The following PSME3 variants were observed in gnomAD, a reference collection of about 807,000 sequenced individuals.
PSME3 encodes the protein proteasome activator complex subunit 3.
PSME3 carries 7 observed loss-of-function variants against 38.3 expected under a neutral mutation model. The ratio of observed to expected loss-of-function variants is 0.18; its 90% CI spans 0.10 to 0.34. The LOEUF is 0.34. PSME3 is among the 10% of genes least tolerant of loss of function. The pLI, the probability that PSME3 is intolerant of heterozygous loss-of-function variation, is 1.00. For missense variants in PSME3, 192 were observed against 307.6 expected (o/e 0.62, Z 2.81); for synonymous variants, 108 against 105.7 (o/e 1.02, Z -0.13).
At position 42,843,200 on chromosome 17, in the gene PSME3, C is replaced by G. The variant is rs186029887; in HGVS notation, c.*1622C>G. 3 of 152,802 alleles carry G rather than the reference C, an allele frequency of 2.0e-5. No individual in the cohort carries two copies. The highest frequency in any genetic ancestry group is 7.2e-5 in the African/African-American group (3 of 41,516). 9.5% of individuals were successfully genotyped at this position (152,802 alleles called of 1,614,324 possible). ...GTAATGTAAAATTCTTTTACCATGTCAAGAAATTATTAAAAATACAGGTAC... is the reference window on the plus strand; with the variant it reads ...GTAATGTAAAATTCTTTTACCATGTGAAGAAATTATTAAAAATACAGGTAC... On this transcript the variant is annotated 3_prime_UTR_variant, in exon 11 of 11. Transcript: ENST00000590720.
intron 4 of PSME3, among the ~76,000 whole-genome samples, chr17:42,835,930 G>C (rs2055456882): frequency 1.3e-5 from 2 of 151,794 alleles, no homozygotes; most frequent in South Asian, 2.1e-4. Context: ...CTATAACACT[G>C]ATGATACCGT....
At chr17:42,837,554 A>T in intron 4 of PSME3, 95 bp from the exon 5 acceptor site, 1 of 1,214,494 alleles carries the variant, frequency 8.2e-7, no homozygotes, top group South Asian at 1.2e-5. Context: ...ATAAGCTATG[A>T]GGCTGAGGAA....
rs996050597 is a variant in PSME3, at chr17:42,833,460, T to C, written c.-172T>C. 2 of 725,778 alleles carry C rather than the reference T, an allele frequency of 2.8e-6. No individual in the cohort carries two copies. The highest frequency in any genetic ancestry group is 4.5e-6 in the Non-Finnish European group (2 of 441,180). The allele number at this position is 725,778 out of a possible 1,614,324, so 45.0% of individuals were successfully genotyped here. On this transcript the variant is annotated 5_prime_UTR_variant, in exon 1 of 11. Coordinates refer to ENST00000590720, the MANE Select transcript of PSME3 (RefSeq NM_005789.4). ...GCGAGAGAGCAAGCAGGCAGCAGGC[T>C]GCCGGCGGGCGGGCGGACGGCACAG...
intron 4 of PSME3, among the ~76,000 whole-genome samples, chr17:42,835,376 C>T (rs1323278851): frequency 2.0e-5 from 3 of 151,808 alleles, no homozygotes; most frequent in South Asian, 2.1e-4. Flanking sequence ...TCATTTACGA[C>T]GTGAAGTGAA....
intron 10 of PSME3, 52 bp from the exon 11 acceptor site, chr17:42,841,446 A>T (rs955155511): frequency 2.5e-6 from 3 of 1,178,438 alleles, no homozygotes; most frequent in Middle Eastern, 2.0e-4. Context: ...CATTTTCTTG[A>T]TGAGGTAAGG....
chr17:42,841,352 A>C (rs2055530810), intron 10 of PSME3, 146 bp from the exon 11 acceptor site: 2 of 408,672 alleles, frequency 4.9e-6, no homozygotes, highest in Non-Finnish European at 4.3e-6. Flanking sequence ...ATTTCCTTCA[A>C]GTCGCAGTTG....
intron 4 of PSME3, among the ~76,000 whole-genome samples, chr17:42,836,248 G>T (rs1302871774): frequency 6.6e-6 from 1 of 151,732 alleles, no homozygotes; most frequent in East Asian, 1.9e-4. Flanking sequence ...CAGGTGATCC[G>T]CCCGCCTCAG....
At chr17:42,834,185 G>GA in intron 1 of PSME3, 159 bp from the exon 2 acceptor site, 1 of 1,531,254 alleles carries the variant, frequency 6.5e-7, no homozygotes. Context: ...TTCTGAGATG[G>GA]AAAAATGGAT....
intron 5 of PSME3, 48 bp downstream of exon 5, chr17:42,837,745 C>G (rs1294047964): frequency 6.3e-6 from 10 of 1,578,632 alleles, no homozygotes; most frequent in South Asian, 1.1e-5. Flanking sequence ...CCCTGACTTG[C>G]AACCCTGAGA....
intron 5 of PSME3, 135 bp from the exon 6 acceptor site, chr17:42,837,958 A>T (rs2055483460): frequency 1.5e-5 from 15 of 975,274 alleles, no homozygotes; most frequent in Non-Finnish European, 2.4e-5. Flanking sequence ...GTTGATTCTA[A>T]TAGTGGTGTC....
intron 7 of PSME3, 61 bp from the exon 8 acceptor site, chr17:42,838,884 T>C: frequency 6.2e-7 from 1 of 1,602,820 alleles, no homozygotes; most frequent in Non-Finnish European, 8.5e-7. Context: ...CCTTTTTCTT[T>C]GGGGCTGCTG....
chr17:42,839,437 A>G lies in PSME3; in HGVS notation c.684+57A>G. 9 of 1,415,016 alleles carry G rather than the reference A, an allele frequency of 6.4e-6. 1 individual carries two copies. Among genetic ancestry groups the G allele is most frequent in the Non-Finnish European group, 9.0e-6 (9 of 1,004,988 alleles). The allele number at this position is 1,415,016 out of a possible 1,614,324, so 87.7% of individuals were successfully genotyped here. A position where few individuals can be genotyped will look rare whatever the true frequency, so the allele number is the denominator to read the frequency against. On this transcript the variant is annotated intron_variant, in intron 10 of 10. Transcript: ENST00000590720. ...TGTGGCTTCTCTTAGTTCTGTTGAG[A>G]GTATTGTTAAAATTCTCTGAAGGGC...
chr17:42,838,775 A>G lies in PSME3; in HGVS notation c.450A>G (p.Gly150=). Residue 150 remains glycine, a synonymous_variant, in exon 7 of 11, where the codon GGA becomes GGG. Transcript: ENST00000590720. ...TCCTGATTCCCAGGATAGAAGATGGAAACAACTTTGGGGTGTCCATTCAGG... is the reference window on the plus strand; with the variant it reads ...TCCTGATTCCCAGGATAGAAGATGGGAACAACTTTGGGGTGTCCATTCAGG... ...VQLLIPRIED[G]NNFGVSIQEE... The G allele has an allele frequency of 6.2e-7, 1 of 1,611,706 alleles. No homozygotes were observed. The highest frequency in any genetic ancestry group is 1.3e-5 in the African/African-American group (1 of 74,996).
In PSME3 at chr17:42,838,965, A is replaced by G; in HGVS notation, c.495A>G (p.Leu165=). ...VSIQEETVAE[L]RTVESEAASY... ...TTTAGGAGGAAACAGTTGCAGAGCT[A>G]AGAACTGTTGAGAGTGAAGCTGCAT... The change falls in exon 8 of 11, where the codon CTA becomes CTG. Residue 165 remains leucine (L), a synonymous_variant. Coordinates refer to ENST00000590720, the MANE Select transcript of PSME3 (RefSeq NM_005789.4). 2.5e-6 allele frequency: 4 copies of G among 1,614,150 alleles called. No individual in the cohort carries two copies. The highest frequency in any genetic ancestry group is 8.5e-7 in the Non-Finnish European group (1 of 1,180,028).
intron 7 of PSME3, 59 bp from the exon 8 acceptor site, chr17:42,838,886 G>T: frequency 1.2e-6 from 2 of 1,602,668 alleles, no homozygotes; most frequent in South Asian, 2.2e-5. Flanking sequence ...TTTTTCTTTG[G>T]GGCTGCTGTG....
intron 1 of PSME3, 27 bp downstream of exon 1, chr17:42,833,700 C>A (rs115803730): frequency 3.6e-5 from 58 of 1,614,022 alleles, no homozygotes; most frequent in Non-Finnish European, 4.8e-5. Context: ...GGCCTTTTTG[C>A]CCCTCGCTTT....
intron 6 of PSME3, 136 bp from the exon 7 acceptor site, chr17:42,838,595 G>A (rs1027658192): frequency 1.5e-5 from 13 of 866,130 alleles, no homozygotes; most frequent in South Asian, 6.6e-5. Context: ...TGGGATTACC[G>A]GCATGAGCCA....
chr17:42,833,449 A>G lies in PSME3; in HGVS notation c.-183A>G, dbSNP rs1307035676. On this transcript the variant is annotated 5_prime_UTR_variant, in exon 1 of 11. Transcript: ENST00000590720. ...CGGGAGGGCGAGCGAGAGAGCAAGC[A>G]GGCAGCAGGCTGCCGGCGGGCGGGC... The G allele has an allele frequency of 4.5e-6, 3 of 663,656 alleles. No homozygotes were observed. The highest frequency in any genetic ancestry group is 2.9e-5 in the Admixed American group (1 of 34,770). The allele number at this position is 663,656 out of a possible 1,614,324, so 41.1% of individuals were successfully genotyped here.
intron 6 of PSME3, 61 bp downstream of exon 6, chr17:42,838,266 A>G: frequency 4.4e-6 from 7 of 1,606,912 alleles, no homozygotes; most frequent in Non-Finnish European, 1.7e-6. Flanking sequence ...AGTGCAAAAA[A>G]CAGTGGATGT....
Sources: allele counts gnomAD v4.1 joint callset (sites outside exome capture counted in the v4.1 genomes callset), GRCh38; gene constraint gnomAD v4.1.1; transcripts MANE v1.5; gene names NCBI Gene and HGNC (gene_info 2026-07-23, HGNC 2026-07-21).